JADE3: variants seen among roughly 807,000 people sequenced by gnomAD.
JADE3 encodes protein Jade-3.
In JADE3, 2 loss-of-function variants were observed where a neutral mutation model predicts 50.1. The observed-to-expected ratio is 0.04, with a 90% confidence interval of 0.02 to 0.13. The LOEUF (loss-of-function observed/expected upper bound fraction) is 0.13. Among genes scored for constraint, JADE3 ranks in the 10% least tolerant of loss-of-function variants. The probability of loss-of-function intolerance (pLI) is 1.00; values close to 1 mark genes in which losing one functional copy is unlikely to be tolerated. For missense variants in JADE3, 475 were observed against 634.4 expected, an observed-to-expected ratio of 0.75 and a Z score of 2.70; for synonymous variants, 218 against 232.9, an observed-to-expected ratio of 0.94 and a Z score of 0.58.
chrX:46,956,704 C>A (rs1410152795), intron 1 of JADE3, among the ~76,000 whole-genome samples: 1 of 108,137 alleles, frequency 9.2e-6, no homozygotes, highest in Non-Finnish European at 1.9e-5. Context: ...TTTCTTCCTT[C>A]CCTTCCTTTC....
rs782728907 is a variant in JADE3, at chrX:47,007,807, TTGTGTGTG to T, written c.284+9572_284+9579del. ...TAGGACTTCAGCGTGTCCTTTTATTTTGTGTGTGTGTGTGTGTGTGTGTGTGTGTGTGT... is the reference window on the plus strand; with the variant it reads ...TAGGACTTCAGCGTGTCCTTTTATTTTGTGTGTGTGTGTGTGTGTGTGTGT... On this transcript the variant is annotated intron_variant, in intron 4 of 10. Coordinates refer to ENST00000614628, the MANE Select transcript of JADE3 (RefSeq NM_014735.5). Among the ~76,000 whole-genome samples, 490 of 70,796 alleles carry T rather than the reference TTGTGTGTG, an allele frequency of 6.9e-3. 1 individual carries two copies. The highest frequency in any genetic ancestry group is 9.2e-3 in the South Asian group (12 of 1,304). The allele number at this position is 70,796 out of a possible 115,157, so 61.5% of individuals were successfully genotyped here. A position where few individuals can be genotyped will look rare whatever the true frequency, so the allele number is the denominator to read the frequency against.
intron 4 of JADE3, among the ~76,000 whole-genome samples, chrX:47,004,143 C>T (rs1602404499): frequency 9.1e-6 from 1 of 110,138 alleles, no homozygotes; most frequent in East Asian, 2.8e-4. Context: ...CCAGGCTGGT[C>T]TCAAGCTCCT....
chrX:46,960,609 T>C (rs953947749), intron 1 of JADE3, among the ~76,000 whole-genome samples: 28 of 111,641 alleles, frequency 2.5e-4, no homozygotes, highest in Admixed American at 8.5e-4. Context: ...AGAGGACTCT[T>C]AGAAGCTTGT....
chrX:47,007,891 A>T, intron 4 of JADE3, among the ~76,000 whole-genome samples: 1 of 101,266 alleles, frequency 9.9e-6, no homozygotes, highest in East Asian at 3.0e-4. Context: ...TATTTTTCCT[A>T]CCTTCCTTGG....
At chrX:47,032,708 G>A (rs782634324) in intron 6 of JADE3, among the ~76,000 whole-genome samples, 23 of 111,085 alleles carry the variant, frequency 2.1e-4, no homozygotes, top group Non-Finnish European at 3.4e-4. Context: ...TAGGAATTTG[G>A]ATCTGGAAGA....
At chrX:47,010,636 C>T (rs782611913) in intron 4 of JADE3, among the ~76,000 whole-genome samples, 16 of 111,390 alleles carry the variant, frequency 1.4e-4, no homozygotes, top group African/African-American at 4.2e-4. Context: ...AATTCCAAAA[C>T]GTTTTTATCA....
rs782156198 is a variant in JADE3 at position 46,931,252 on chromosome X, C to T, written c.-12+18533C>T. Among the ~76,000 whole-genome samples, 7 of 111,318 alleles carry T rather than the reference C, an allele frequency of 6.3e-5. No homozygotes were observed. In the South Asian group the frequency reaches 2.7e-3, roughly 42 times the overall value. On this transcript the variant is annotated intron_variant, in intron 1 of 10. Coordinates refer to ENST00000614628, the MANE Select transcript of JADE3 (RefSeq NM_014735.5). Reference sequence around the variant, plus strand: ...ATATCTCCACTTAAAGACTAACCAGCGACTACTAGACACATCAGTAGTCAA... The same window carrying T: ...ATATCTCCACTTAAAGACTAACCAGTGACTACTAGACACATCAGTAGTCAA...
chrX:46,968,737 A>G (rs1270728153), intron 1 of JADE3, among the ~76,000 whole-genome samples: 3 of 111,249 alleles, frequency 2.7e-5, no homozygotes, highest in Admixed American at 9.5e-5. Flanking sequence ...AGGCATAGCA[A>G]TTTTAAATGT....
Position 46,989,427 on chromosome X carries a change from A to T in JADE3, c.126+3635A>T, listed in dbSNP as rs568569533. On this transcript the variant is annotated intron_variant, in intron 3 of 10. Transcript: ENST00000614628. ...TCGCTTAGTTTTCCTTCATTTGAGGATGTCTTGATTTCTCCTTCATTCCTG... is the reference window on the plus strand; with the variant it reads ...TCGCTTAGTTTTCCTTCATTTGAGGTTGTCTTGATTTCTCCTTCATTCCTG... Among the ~76,000 whole-genome samples the T allele has an allele frequency of 2.2e-4, 25 of 111,212 alleles. No individual in the cohort carries two copies. The South Asian group carries it at 7.9e-3, about 35-fold the overall frequency.
At chrX:47,018,069 A>C (rs1287731455) in intron 4 of JADE3, among the ~76,000 whole-genome samples, 1 of 111,667 alleles carries the variant, frequency 9.0e-6, no homozygotes, top group Non-Finnish European at 1.9e-5. Flanking sequence ...ATATCCCATT[A>C]ACTCTACTTT....
chrX:47,015,909 A>G (rs932522385), intron 4 of JADE3, among the ~76,000 whole-genome samples: 1 of 109,433 alleles, frequency 9.1e-6, no homozygotes, highest in Admixed American at 9.8e-5. Flanking sequence ...AATACAATGA[A>G]GTCTTTATTT....
At chrX:46,949,501 A>G (rs1466457196) in intron 1 of JADE3, among the ~76,000 whole-genome samples, 1 of 112,072 alleles carries the variant, frequency 8.9e-6, no homozygotes, top group African/African-American at 3.2e-5. Flanking sequence ...CTTTGCCAAC[A>G]ACACTTGTAT....
chrX:47,015,361 C>T (rs782725713), intron 4 of JADE3, among the ~76,000 whole-genome samples: 3 of 111,219 alleles, frequency 2.7e-5, no homozygotes, highest in African/African-American at 6.5e-5. Context: ...GTGAGTGGAT[C>T]GCTTGAGATC....
chrX:47,049,776 T>TTTG, intron 8 of JADE3, among the ~76,000 whole-genome samples: 1 of 96,812 alleles, frequency 1.0e-5, no homozygotes, highest in East Asian at 3.2e-4. Flanking sequence ...TTTTTTTTTT[T>TTTG]TTTGAGAGGG....
At position 47,031,466 on chromosome X, in the gene JADE3, C is replaced by T. The variant is rs1473369051; in HGVS notation, c.688-2155C>T. Among the ~76,000 whole-genome samples the T allele has an allele frequency of 3.1e-4, 35 of 111,246 alleles. No homozygotes were observed. In the Admixed American group the frequency reaches 3.4e-3, roughly 11 times the overall value. On this transcript the variant is annotated intron_variant, in intron 6 of 10. Coordinates refer to ENST00000614628, the MANE Select transcript of JADE3 (RefSeq NM_014735.5). ...GGTAAATTGATGATAACAGCTCTAC[C>T]TCTAGTGACTTTAAAATCTCATTGA...
chrX:46,987,897 TATAAAA>T (rs1927899045), intron 3 of JADE3, among the ~76,000 whole-genome samples: 1 of 112,120 alleles, frequency 8.9e-6, no homozygotes, highest in Non-Finnish European at 1.9e-5. Context: ...AATATTCTGT[TATAAAA>T]AGGAAAACCT....
At chrX:46,913,002 A>G (rs1162091314) in intron 1 of JADE3, 5 of 111,326 alleles carry the variant, frequency 4.5e-5, no homozygotes, top group African/African-American at 1.6e-4. Context: ...GCGGGGGCGG[A>G]CGCGCGAGCT....
intron 1 of JADE3, among the ~76,000 whole-genome samples, chrX:46,970,578 A>T (rs1337653424): frequency 2.7e-5 from 3 of 111,718 alleles, no homozygotes; most frequent in African/African-American, 9.8e-5. Flanking sequence ...TTGGTTTCTC[A>T]GTTTTTTCCT....
At chrX:46,927,962 T>G (rs1926408263) in intron 1 of JADE3, among the ~76,000 whole-genome samples, 1 of 112,086 alleles carries the variant, frequency 8.9e-6, no homozygotes, top group Non-Finnish European at 1.9e-5. Flanking sequence ...GCATTTGCAA[T>G]AAGGAACCTA....
Sources: gnomAD v4.1 joint callset for allele counts (sites outside exome capture counted in the v4.1 genomes callset) on GRCh38, gnomAD v4.1.1 for gene constraint, MANE v1.5 for transcripts, NCBI Gene and HGNC (gene_info 2026-07-23, HGNC 2026-07-21) for gene names.